The following SLC14A2 variants were observed in gnomAD, a reference collection of about 807,000 sequenced individuals.
SLC14A2 encodes urea transporter 2.
SLC14A2 carries 91 observed loss-of-function variants against 104.6 expected under a neutral mutation model. The ratio of observed to expected loss-of-function variants is 0.87; its 90% CI spans 0.73 to 1.04. SLC14A2 has a LOEUF of 1.04. Ranked by LOEUF, SLC14A2 falls within the 50% of genes least tolerant of loss-of-function variation. SLC14A2 has a pLI of 0.00. For missense variants in SLC14A2, 1,189 were observed against 1,156.0 expected (o/e 1.03, Z -0.41); for synonymous variants, 476 against 466.4 (o/e 1.02, Z -0.27).
intron 1 of SLC14A2, among the ~76,000 whole-genome samples, chr18:45,267,475 A>G (rs1050268901): frequency 6.6e-6 from 1 of 152,198 alleles, no homozygotes; most frequent in African/African-American, 2.4e-5. Context: ...TGTTGGGGAA[A>G]CTGGATATTT....
At chr18:45,423,537 C>T (rs1050187231) in intron 1 of SLC14A2, among the ~76,000 whole-genome samples, 2 of 152,124 alleles carry the variant, frequency 1.3e-5, no homozygotes, top group African/African-American at 4.8e-5. Context: ...CCTTAGTGAG[C>T]ATCTGGCCTA....
intron 1 of SLC14A2, among the ~76,000 whole-genome samples, chr18:45,460,732 G>C (rs892409406): frequency 9.2e-5 from 14 of 152,052 alleles, no homozygotes; most frequent in African/African-American, 3.1e-4. Flanking sequence ...TTCCTCCCCT[G>C]CAGTTTTAAT....
intron 1 of SLC14A2, chr18:45,438,491 G>A (rs1054038128): frequency 1.3e-5 from 2 of 152,258 alleles, no homozygotes; most frequent in African/African-American, 2.4e-5. Flanking sequence ...TCATACATGT[G>A]TGTGTGCAAG....
chr18:45,580,193 A>G (rs983570614), intron 2 of SLC14A2, among the ~76,000 whole-genome samples: 3 of 152,210 alleles, frequency 2.0e-5, no homozygotes, highest in Non-Finnish European at 4.4e-5. Flanking sequence ...GTAAACCAGA[A>G]CCATAGCTGG....
At chr18:45,656,828 C>A (rs1406195633) in intron 10 of SLC14A2, among the ~76,000 whole-genome samples, 2 of 152,176 alleles carry the variant, frequency 1.3e-5, no homozygotes, top group East Asian at 3.8e-4. Context: ...AGTCCTTTGG[C>A]CAACAAGTGA....
At chr18:45,486,743 A>G (rs1228343932) in intron 2 of SLC14A2, among the ~76,000 whole-genome samples, 1 of 152,216 alleles carries the variant, frequency 6.6e-6, no homozygotes, top group African/African-American at 2.4e-5. Flanking sequence ...TTCCTGCAGC[A>G]TCTCAAATAG....
intron 1 of SLC14A2, among the ~76,000 whole-genome samples, chr18:45,445,497 A>G (rs2086753353): frequency 6.6e-6 from 1 of 152,204 alleles, no homozygotes; most frequent in African/African-American, 2.4e-5. Context: ...AGATGCCTAC[A>G]TTTGAGTCTG....
Position 45,512,707 on chromosome 18 carries a change from C to T in SLC14A2, c.-35+29385C>T, listed in dbSNP as rs1014417320. On this transcript the variant is annotated intron_variant, in intron 2 of 20. Coordinates refer to the SLC14A2 transcript ENST00000586448. ...CAATAGATTTTCTTCACGGCAGCCT[C>T]CCCGGGAGAGTCTGGTGAGGGCACA... Among the ~76,000 whole-genome samples the T allele has an allele frequency of 3.3e-5, 5 of 152,228 alleles. No individual in the cohort carries two copies. In the East Asian group the frequency reaches 9.7e-4, roughly 29 times the overall value.
At chr18:45,243,575 C>G (rs1345859794) in intron 1 of SLC14A2, among the ~76,000 whole-genome samples, 1 of 152,154 alleles carries the variant, frequency 6.6e-6, no homozygotes, top group Non-Finnish European at 1.5e-5. Context: ...ATTAGCTGTT[C>G]CTTGTAGAGA....
intron 2 of SLC14A2, among the ~76,000 whole-genome samples, chr18:45,551,653 T>C (rs1435674014): frequency 2.0e-5 from 3 of 152,024 alleles, no homozygotes; most frequent in Non-Finnish European, 4.4e-5. Context: ...GAGCAGGAAA[T>C]GTACAGAAGG....
intron 1 of SLC14A2, among the ~76,000 whole-genome samples, chr18:45,365,651 C>A (rs890451122): frequency 2.0e-5 from 3 of 152,158 alleles, no homozygotes; most frequent in Non-Finnish European, 4.4e-5. Context: ...ATCACCTATA[C>A]CTCCCTGCTC....
At chr18:45,451,812 G>A (rs893110063) in intron 1 of SLC14A2, among the ~76,000 whole-genome samples, 2 of 152,080 alleles carry the variant, frequency 1.3e-5, no homozygotes, top group Non-Finnish European at 2.9e-5. Context: ...TTATGGTTCA[G>A]CAACAAACTA....
intron 1 of SLC14A2, among the ~76,000 whole-genome samples, chr18:45,381,715 C>G (rs2144383030): frequency 6.6e-6 from 1 of 152,260 alleles, no homozygotes; most frequent in African/African-American, 2.4e-5. Flanking sequence ...TACCAAACCT[C>G]CTTCAACTCC....
At chr18:45,397,115 G>T (rs1349318280) in intron 1 of SLC14A2, among the ~76,000 whole-genome samples, 1 of 152,256 alleles carries the variant, frequency 6.6e-6, no homozygotes, top group Middle Eastern at 3.4e-3. Flanking sequence ...GAATAGTGCA[G>T]CAATGAACAT....
Position 45,625,773 on chromosome 18 carries a change from C to T in SLC14A2, c.241C>T (p.Arg81Trp), listed in dbSNP as rs1462386004. The T allele has an allele frequency of 4.5e-6, 7 of 1,558,976 alleles. No individual in the cohort carries two copies. The highest frequency in any genetic ancestry group is 6.0e-6 in the Non-Finnish European group (7 of 1,158,534). The change falls in exon 3 of 20, where the codon CGG becomes TGG. Residue 81 changes from arginine (R) to tryptophan (W), a missense_variant. Transcript: ENST00000255226. ...SKRKDDGVAH[R>W]DSAGQRCICL... ...AAGGAAAGACGACGGGGTGGCCCAT[C>T]GGGACTCAGCAGGCCAAAGGTGCAT...
At chr18:45,217,604 C>T (rs2084022425) in intron 1 of SLC14A2, among the ~76,000 whole-genome samples, 1 of 152,066 alleles carries the variant, frequency 6.6e-6, no homozygotes, top group Non-Finnish European at 1.5e-5. Flanking sequence ...ATTTATAACT[C>T]ATGCACATTT....
At chr18:45,569,141 C>T (rs1269025174) in intron 2 of SLC14A2, among the ~76,000 whole-genome samples, 2 of 152,186 alleles carry the variant, frequency 1.3e-5, no homozygotes, top group Non-Finnish European at 2.9e-5. Flanking sequence ...AATTTCACCC[C>T]TCATGCCCCA....
At chr18:45,188,361 C>T in the SLC14A2 span, among the ~76,000 whole-genome samples, 1 of 152,094 alleles carries the variant, frequency 6.6e-6, no homozygotes, top group African/African-American at 2.4e-5. Context: ...TTCATCCTGG[C>T]CATTGATCCT....
At chr18:45,632,609 C>A in intron 5 of SLC14A2, 131 bp downstream of exon 5, 3 of 859,610 alleles carry the variant, frequency 3.5e-6, no homozygotes, top group South Asian at 1.7e-5. Flanking sequence ...TTGTCTGACA[C>A]CATGAAAGCC....
Sources: allele counts gnomAD v4.1 joint callset (sites outside exome capture counted in the v4.1 genomes callset), GRCh38; gene constraint gnomAD v4.1.1; transcripts MANE v1.5; gene names NCBI Gene and HGNC (gene_info 2026-07-23, HGNC 2026-07-21).